Variants in NAV1 observed in about 807,000 individuals in gnomAD.
NAV1 encodes the protein neuron navigator 1.
NAV1 carries 18 observed loss-of-function variants against 175.2 expected under a neutral mutation model. The observed-to-expected ratio is 0.10, with a 90% CI of 0.07 to 0.15. The LOEUF (loss-of-function observed/expected upper bound fraction) is 0.15, where lower values mean the gene tolerates loss of function less well. Among genes scored for constraint, NAV1 ranks in the 10% least tolerant of loss-of-function variants. The pLI is 1.00. For missense variants in NAV1, 1,731 were observed against 2,436.6 expected (o/e 0.71, Z 6.10); for synonymous variants, 897 against 978.7 (o/e 0.92, Z 1.56).
chr1:201,572,789 A>T (rs1202587347), intron 1 of NAV1, among the ~76,000 whole-genome samples: 1 of 152,152 alleles, frequency 6.6e-6, no homozygotes. Context: ...CCTGCTCTAA[A>T]CTGTGCAGGT....
At chr1:201,620,900 G>C (rs546723191), upstream of NAV1, among the ~76,000 whole-genome samples, 2 of 152,016 alleles carry the variant, frequency 1.3e-5, no homozygotes, top group Admixed American at 6.5e-5. Context: ...TTTTTGTTTT[G>C]TTTTGGCCAG....
At position 201,554,914 on chromosome 1, in the gene NAV1, C is replaced by T. The variant is rs1024986488; in HGVS notation, c.-144+15572C>T. Among the ~76,000 whole-genome samples, 3 of 152,294 alleles carry T rather than the reference C, an allele frequency of 2.0e-5. 1 individual carries two copies. The highest frequency in any genetic ancestry group is 7.2e-5 in the African/African-American group (3 of 41,556). ...ATTAGTGGAGAATTTTTCCTTGCCT[C>T]TTCTAGTGTCCGGTGCTTTCCGACA... is the stretch of plus-strand genomic sequence containing the variant. On this transcript the variant is annotated intron_variant, in intron 1 of 33. Coordinates refer to the NAV1 transcript ENST00000685211.
chr1:201,608,289 G>A (rs1410807774), intron 2 of NAV1, among the ~76,000 whole-genome samples: 1 of 152,210 alleles, frequency 6.6e-6, no homozygotes, highest in African/African-American at 2.4e-5. Context: ...TATAAAAAGT[G>A]AATGCTGTCA....
At chr1:201,638,732 A>C (rs892427616) in intron 2 of NAV1, among the ~76,000 whole-genome samples, 1 of 152,218 alleles carries the variant, frequency 6.6e-6, no homozygotes. Flanking sequence ...GGGCAAGTGT[A>C]TGTCTCTATA....
rs606114 is a variant in NAV1, at chr1:201,694,973, T to C, written c.758-17844T>C. ...AGGCATTTGCCTCCTTGCTTCCAAA[T>C]GTAGAGGGACAGTAGAGATCGTCTG... On this transcript the variant is annotated intron_variant, in intron 1 of 29. Coordinates refer to ENST00000367296, the Ensembl canonical transcript of NAV1. The surrounding 1 kb of genome is among the most constrained non-coding windows in gnomAD (Gnocchi z 4.2). 0.85 allele frequency among the ~76,000 whole-genome samples: 129,430 copies of C among 152,284 alleles called. 55,080 individuals carry two copies. Among genetic ancestry groups the C allele is most frequent in the East Asian group, 0.93 (4,835 of 5,188 alleles).
chr1:201,734,182 C>T (rs1045809624), intron 3 of NAV1, among the ~76,000 whole-genome samples: 3 of 151,908 alleles, frequency 2.0e-5, no homozygotes, highest in African/African-American at 4.8e-5. Flanking sequence ...CTTAGGCGGG[C>T]GGATTGCTTG....
At chr1:201,554,771 G>A (rs1251961322) in intron 1 of NAV1, among the ~76,000 whole-genome samples, 1 of 152,088 alleles carries the variant, frequency 6.6e-6, no homozygotes, top group Non-Finnish European at 1.5e-5. Flanking sequence ...AGTTTGCTAG[G>A]GCTGCCATAA....
rs747410373 is a variant in NAV1, at chr1:201,783,858, T to A, written c.2804+6T>A. ...AGAGCTGGGCAACTGGACAGGTAGG[T>A]AGAAAAGACAGCAGAACCTCGGCCT... On this transcript the variant is annotated splice_donor_region_variant and intron_variant, in intron 7 of 29. Coordinates refer to ENST00000367296, the Ensembl canonical transcript of NAV1. The A allele has an allele frequency of 1.3e-6, 2 of 1,597,614 alleles. No homozygotes were observed. Among genetic ancestry groups the A allele is most frequent in the Non-Finnish European group, 1.7e-6 (2 of 1,169,824 alleles).
intron 1 of NAV1, among the ~76,000 whole-genome samples, chr1:201,685,803 A>G (rs1184023496): frequency 6.6e-6 from 1 of 152,202 alleles, no homozygotes; most frequent in Non-Finnish European, 1.5e-5. Flanking sequence ...CAAGTAGAAG[A>G]ACCTAATCTT....
chr1:201,610,857 C>G (rs1029821996), intron 2 of NAV1, among the ~76,000 whole-genome samples: 1 of 152,192 alleles, frequency 6.6e-6, no homozygotes, highest in Non-Finnish European at 1.5e-5. Flanking sequence ...CATCTTTTGT[C>G]TGTAAGAACA....
At chr1:201,693,480 T>A (rs536498274) in intron 1 of NAV1, among the ~76,000 whole-genome samples, 1 of 152,082 alleles carries the variant, frequency 6.6e-6, no homozygotes, top group Non-Finnish European at 1.5e-5. Context: ...TGGAGCTACA[T>A]AAGGGATGTA....
At chr1:201,583,401 C>G (rs1666926930) in intron 1 of NAV1, among the ~76,000 whole-genome samples, 1 of 152,250 alleles carries the variant, frequency 6.6e-6, no homozygotes, top group Non-Finnish European at 1.5e-5. Context: ...AGCTCGTTAT[C>G]TCTCCCGCTC....
intron 17 of NAV1, 81 bp downstream of exon 21, chr1:201,804,578 C>CCAA: frequency 7.4e-6 from 6 of 814,142 alleles, no homozygotes; most frequent in East Asian, 3.0e-5. Flanking sequence ...CTCCCTTCCC[C>CCAA]TAAAAAAAAA....
chr1:201,642,736 T>G, intron 2 of NAV1, among the ~76,000 whole-genome samples: 1 of 146,522 alleles, frequency 6.8e-6, no homozygotes, highest in African/African-American at 2.5e-5. Flanking sequence ...CCTTCCTTTC[T>G]TCCCTCCCTC....
chr1:201,610,842 A>G (rs1032911352), intron 2 of NAV1, among the ~76,000 whole-genome samples: 1 of 152,240 alleles, frequency 6.6e-6, no homozygotes, highest in African/African-American at 2.4e-5. Flanking sequence ...TAACACAGCC[A>G]GCCCCATCTT....
upstream of NAV1, among the ~76,000 whole-genome samples, chr1:201,646,905 G>A (rs564285497): frequency 9.2e-5 from 14 of 152,334 alleles, no homozygotes; most frequent in South Asian, 1.0e-3. Context: ...AGCAGGTGAT[G>A]ATTAGTGTTA....
chr1:201,718,594 C>T lies in NAV1; in HGVS notation c.1065C>T (p.Ser355=), dbSNP rs764450397. 28 of 1,614,058 alleles carry T rather than the reference C, an allele frequency of 1.7e-5. No individual in the cohort carries two copies. In the East Asian group the frequency reaches 5.3e-4, roughly 31 times the overall value. Reference sequence around the variant, plus strand: ...TGCACGGCGAACGGGCCCACTACTCCCACACCATGCCCATGCGCAGCCCCA... The same window carrying T: ...TGCACGGCGAACGGGCCCACTACTCTCACACCATGCCCATGCGCAGCCCCA... Residue 355 remains serine (S), a synonymous_variant, in exon 3 of 30, where the codon TCC becomes TCT. Coordinates refer to ENST00000367296, the Ensembl canonical transcript of NAV1. This position sits in a 1 kb window ranked among gnomAD's most constrained non-coding sequence, Gnocchi z 4.8.
chr1:201,724,001 C>T (rs979155699), intron 3 of NAV1: 3 of 152,032 alleles, frequency 2.0e-5, no homozygotes, highest in African/African-American at 7.2e-5. Flanking sequence ...TTCAATGACC[C>T]AGTTTTTCGA....
chr1:201,817,297 C>A lies in NAV1; in HGVS notation c.5538+12C>A. 6.2e-7 allele frequency: 1 copy of A among 1,612,590 alleles called. No homozygotes were observed. The highest frequency in any genetic ancestry group is 8.5e-7 in the Non-Finnish European group (1 of 1,178,942). On this transcript the variant is annotated intron_variant, in intron 29 of 29. Transcript: ENST00000367296. ...ACTCAGATCCTCTGGTGAGTAGAAG[C>A]CATTCTAGAGTAAAAATAAGACTAT...
Sources: gnomAD v4.1 joint callset for allele counts (sites outside exome capture counted in the v4.1 genomes callset) on GRCh38, gnomAD v4.1.1 for gene constraint, Gnocchi (gnomAD v3.1) non-coding constraint, MANE v1.5 for transcripts, NCBI Gene and HGNC (gene_info 2026-07-23, HGNC 2026-07-21) for gene names.